TM7SF2: variants seen among roughly 807,000 people sequenced by gnomAD.
The protein encoded by TM7SF2 is delta(14)-sterol reductase TM7SF2.
In TM7SF2, 51 loss-of-function variants were observed where a neutral mutation model predicts 51.0. The ratio of observed to expected loss-of-function variants is 1.00; its 90% confidence interval spans 0.80 to 1.26. The LOEUF (loss-of-function observed/expected upper bound fraction) is 1.26, where lower values mean the gene tolerates loss of function less well. TM7SF2 is among the 50% of genes most tolerant of loss of function. The pLI is 0.00. For missense variants in TM7SF2, 541 were observed against 547.4 expected (o/e 0.99, Z 0.12); for synonymous variants, 255 against 241.0 (o/e 1.06, Z -0.54).
chr11:65,116,183 A>G lies in TM7SF2; in HGVS notation c.*130A>G. On this transcript the variant is annotated 3_prime_UTR_variant, in exon 10 of 10. Coordinates refer to ENST00000279263, the MANE Select transcript of TM7SF2 (RefSeq NM_003273.6). ...CAGCCCTGAGGATGAACAACCTCAG[A>G]GAAGAGGTGGTTTAGAGCAAGGAAA... The G allele has an allele frequency of 1.6e-6, 2 of 1,282,614 alleles. No homozygotes were observed. The highest frequency in any genetic ancestry group is 2.1e-6 in the Non-Finnish European group (2 of 950,446). 79.5% of individuals were successfully genotyped at this position (1,282,614 alleles called of 1,614,324 possible).
intron 8 of TM7SF2, 40 bp from the exon 9 acceptor site, chr11:65,115,436 G>A (rs1022197109): frequency 4.3e-6 from 7 of 1,614,024 alleles, no homozygotes; most frequent in African/African-American, 1.3e-5. Context: ...TGGGGCAGCT[G>A]GGCTTCCTGG....
chr11:65,115,992 G>A lies in TM7SF2; in HGVS notation c.1196G>A (p.Gly399Asp). 6.2e-7 allele frequency: 1 copy of A among 1,613,062 alleles called. No individual in the cohort carries two copies. Among genetic ancestry groups the A allele is most frequent in the South Asian group, 1.1e-5 (1 of 91,072 alleles). The stretch of plus-strand genomic sequence containing the variant: ...GAGCGGCAGTGCCTGCAGAAGTACG[G>A]CCTGGCCTGGCAGGAGTACTGCCGG... Reference protein sequence around the residue: ...RDERQCLQKYGLAWQEYCRRV... With the variant: ...RDERQCLQKYDLAWQEYCRRV... The change falls in exon 10 of 10, where the codon GGC becomes GAC. Residue 399 changes from glycine (G) to aspartate (D), a missense_variant. By Grantham distance (94) the Gly-to-Asp change is moderately conservative. Transcript: ENST00000279263.
chr11:65,112,198 G>A (rs1291715597), intron 1 of TM7SF2, 131 bp downstream of exon 1: 2 of 947,432 alleles, frequency 2.1e-6, no homozygotes, highest in Non-Finnish European at 3.2e-6. Context: ...GGACCCGGGG[G>A]TTTGCAGCGA....
At position 65,112,875 on chromosome 11, in the gene TM7SF2, G is replaced by A. The variant is rs778084054; in HGVS notation, c.304+10G>A. 2.6e-6 allele frequency: 4 copies of A among 1,550,608 alleles called. No individual in the cohort carries two copies. The highest frequency in any genetic ancestry group is 3.5e-6 in the Non-Finnish European group (4 of 1,147,020). On this transcript the variant is annotated intron_variant, in intron 3 of 9. Coordinates refer to ENST00000279263, the MANE Select transcript of TM7SF2 (RefSeq NM_003273.6). ...CGCTATCCTATTAACGGTGCCTAGGGGACGGGCCCTCGCGCTGGAGTTAAG... is the reference window on the plus strand; with the variant it reads ...CGCTATCCTATTAACGGTGCCTAGGAGACGGGCCCTCGCGCTGGAGTTAAG...
chr11:65,115,816 C>A, intron 9 of TM7SF2, 77 bp from the exon 10 acceptor site: 1 of 1,606,266 alleles, frequency 6.2e-7, no homozygotes, highest in Non-Finnish European at 8.5e-7. Context: ...CCCACATGAG[C>A]CATGAGGTGT....
rs1356301325 is a variant in TM7SF2, at chr11:65,115,384, C to T, written c.963C>T (p.Pro321=). The T allele has an allele frequency of 6.2e-7, 1 of 1,614,206 alleles. No homozygotes were observed. The highest frequency in any genetic ancestry group is 1.7e-5 in the Admixed American group (1 of 60,030). ...CTTTCCGAAAGAATCCTTCTGACCC[C>T]AGAGTGGCTGGTGAGCTGGTTCTCT... ...KNTFRKNPSD[P]RVAGLETIST... is the part of the protein sequence containing the mutation. Residue 321 remains proline, a synonymous_variant, in exon 8 of 10, where the codon CCC becomes CCT. Coordinates refer to ENST00000279263, the MANE Select transcript of TM7SF2 (RefSeq NM_003273.6).
At position 65,112,526 on chromosome 11, in the gene TM7SF2, C is replaced by A; in HGVS notation, c.64C>A (p.Leu22Met). ...GGCCCTTCCCGCAGGCGCCGCGGCTCTGCTACTGCTGCTGCCCGCCACCAT... is the reference window on the plus strand; with the variant it reads ...GGCCCTTCCCGCAGGCGCCGCGGCTATGCTACTGCTGCTGCCCGCCACCAT... The part of the protein sequence containing the change: ...EFGGPLGAAA[L>M]LLLLPATMFH... Residue 22 changes from leucine to methionine, a missense_variant, in exon 2 of 10, where the codon CTG becomes ATG. Leu to Met is a conservative substitution (Grantham distance 15, BLOSUM62 2). Coordinates refer to ENST00000279263, the MANE Select transcript of TM7SF2 (RefSeq NM_003273.6). 6.5e-7 allele frequency: 1 copy of A among 1,527,384 alleles called. No individual in the cohort carries two copies. The highest frequency in any genetic ancestry group is 2.0e-5 in the Admixed American group (1 of 50,804). 94.6% of individuals were successfully genotyped at this position (1,527,384 alleles called of 1,614,324 possible).
intron 5 of TM7SF2, 177 bp downstream of exon 5, chr11:65,113,771 AGGC>A: frequency 3.2e-6 from 2 of 628,888 alleles, no homozygotes; most frequent in Admixed American, 2.9e-5. Flanking sequence ...ATAAAGTTAG[AGGC>A]AAAAAAGCAT....
Position 65,113,427 on chromosome 11 carries a change from C to T in TM7SF2, c.499+13C>T. 6.2e-7 allele frequency: 1 copy of T among 1,614,154 alleles called. No homozygotes were observed. The highest frequency in any genetic ancestry group is 8.5e-7 in the Non-Finnish European group (1 of 1,179,982). On this transcript the variant is annotated intron_variant, in intron 4 of 9. Transcript: ENST00000279263. ...GGGGGGAACTCAGGTGAGAGGGGTC[C>T]TGGGGTGGAGACGGAGGCAGATTGG...
In TM7SF2 at chr11:65,112,816, C is replaced by G. The variant is rs1457785329; in HGVS notation, c.255C>G (p.Ala85=). 5 of 1,550,456 alleles carry G rather than the reference C, an allele frequency of 3.2e-6. No homozygotes were observed. The highest frequency in any genetic ancestry group is 1.7e-6 in the Non-Finnish European group (2 of 1,146,968). ...ALYLLPARKV[A]EGQELKDKSR... ...GAGCCCCCTTGGACCCGCAGGTGGC[C>G]GAGGGGCAGGAATTGAAGGACAAGA... Residue 85 remains alanine, a synonymous_variant, in exon 3 of 10, where the codon GCC becomes GCG. Coordinates refer to ENST00000279263, the MANE Select transcript of TM7SF2 (RefSeq NM_003273.6).
chr11:65,115,684 C>T, intron 9 of TM7SF2, 86 bp downstream of exon 9: 2 of 1,605,654 alleles, frequency 1.2e-6, no homozygotes, highest in Non-Finnish European at 8.5e-7. Context: ...TGGGTATGCA[C>T]CAGTGAGAGT....
chr11:65,115,947 T>C lies in TM7SF2; in HGVS notation c.1151T>C (p.Val384Ala). The C allele has an allele frequency of 6.8e-6, 11 of 1,614,032 alleles. No homozygotes were observed. Among genetic ancestry groups the C allele is most frequent in the Non-Finnish European group, 8.5e-6 (10 of 1,180,014 alleles). The change falls in exon 10 of 10, where the codon GTG (valine) becomes GCG (alanine). Residue 384 changes from valine (V) to alanine (A), a missense_variant. Physicochemically the swap from Val to Ala is moderately conservative, Grantham distance 64. Coordinates refer to ENST00000279263, the MANE Select transcript of TM7SF2 (RefSeq NM_003273.6). ...CTCCTCTACTTCACCGCGCTGCTGG[T>C]GCACCGTGAGGCCCGGGATGAGCGG... is the stretch of plus-strand genomic sequence containing the variant. Reference protein sequence around the residue: ...FYLLYFTALLVHREARDERQC... With the variant: ...FYLLYFTALLAHREARDERQC...
chr11:65,113,687 A>G, intron 5 of TM7SF2, 93 bp downstream of exon 5: 7 of 1,041,780 alleles, frequency 6.7e-6, no homozygotes, highest in Non-Finnish European at 1.0e-5. Context: ...AACTGTGCAG[A>G]TGCGAGTCAT....
chr11:65,112,731 ACG>A lies in TM7SF2; in HGVS notation c.249+22_249+23del, dbSNP rs919683687. The A allele has an allele frequency of 1.3e-6, 2 of 1,547,802 alleles. No homozygotes were observed. Among genetic ancestry groups the A allele is most frequent in the African/African-American group, 2.7e-5 (2 of 72,958 alleles). On this transcript the variant is annotated intron_variant, in intron 2 of 9. Coordinates refer to ENST00000279263, the MANE Select transcript of TM7SF2 (RefSeq NM_003273.6). ...CGCAAGGTGCGGGCCCCGCTCGCGG[ACG>A]CTCGGGGGAGGGAAGCGAATGGGCT...
intron 1 of TM7SF2, 168 bp downstream of exon 1, chr11:65,112,235 G>A: frequency 1.4e-6 from 1 of 734,124 alleles, no homozygotes; most frequent in African/African-American, 1.8e-5. Flanking sequence ...GAGAGCTGAG[G>A]AGGGGCCGGT....
At chr11:65,114,106 C>T (rs1018268487) in intron 5 of TM7SF2, among the ~76,000 whole-genome samples, 2 of 152,178 alleles carry the variant, frequency 1.3e-5, no homozygotes, top group African/African-American at 4.8e-5. Flanking sequence ...TTATCTTACC[C>T]GAGGCAGGAG....
chr11:65,116,042 T>TAC lies in TM7SF2; in HGVS notation c.1248_1249dup (p.Ile417ThrfsTer52). 6.2e-7 allele frequency: 1 copy of TAC among 1,607,192 alleles called. No individual in the cohort carries two copies. Among genetic ancestry groups the TAC allele is most frequent in the Non-Finnish European group, 8.5e-7 (1 of 1,178,920 alleles). On this transcript the variant is annotated frameshift_variant, in exon 10 of 10. Coordinates refer to ENST00000279263, the MANE Select transcript of TM7SF2 (RefSeq NM_003273.6). LOFTEE classifies it high-confidence loss of function. ...GCGTGTGCCTTACCGCATCATGCCC[T>TAC]ACATCTACTGAAGCGGCTCCACCAC...
chr11:65,114,739 G>A lies in TM7SF2; in HGVS notation c.630G>A (p.Met210Ile). The A allele has an allele frequency of 6.2e-7, 1 of 1,614,244 alleles. No individual in the cohort carries two copies. Residue 210 changes from methionine to isoleucine, a missense_variant, in exon 6 of 10, where the codon ATG (methionine) becomes ATA (isoleucine). Physicochemically the swap from Met to Ile is conservative, Grantham distance 10 (BLOSUM62 1). Coordinates refer to ENST00000279263, the MANE Select transcript of TM7SF2 (RefSeq NM_003273.6). ...TCCTCATCAACCTGGCCCTGTTGAT[G>A]AAGGAGGCAGAGCTTCGAGGCAGTC... ...GWVLINLALL[M>I]KEAELRGSPS...
rs2137200448 is a variant in TM7SF2, at chr11:65,112,685, G to A, written c.223G>A (p.Ala75Thr). The A allele has an allele frequency of 1.3e-6, 2 of 1,539,372 alleles. No homozygotes were observed. Among genetic ancestry groups the A allele is most frequent in the Non-Finnish European group, 1.7e-6 (2 of 1,144,374 alleles). ...GCTCGCCTGGCTCGGCCTGCAGGCG[G>A]CGCTCTACCTACTGCCGGCGCGCAA... ...LWLAWLGLQA[A>T]LYLLPARKVA... The change falls in exon 2 of 10, where the codon GCG becomes ACG. Residue 75 changes from alanine to threonine, a missense_variant. Transcript: ENST00000279263.
Sources: allele counts gnomAD v4.1 joint callset (sites outside exome capture counted in the v4.1 genomes callset), GRCh38; gene constraint gnomAD v4.1.1; transcripts MANE v1.5; gene names NCBI Gene and HGNC (gene_info 2026-07-23, HGNC 2026-07-21).